Variants in RNF215 observed in about 807,000 individuals in gnomAD.
RNF215 encodes the protein ring finger protein 215.
Under a neutral mutation model 44.8 loss-of-function variants are expected in RNF215, and 41 were observed. That is an observed-to-expected ratio of 0.92 (90% CI 0.71 to 1.19). The LOEUF is 1.19. Among genes scored for constraint, RNF215 ranks in the 50% most tolerant of loss-of-function variants. The pLI is 0.00. For synonymous variants in RNF215, 218 were observed against 230.1 expected (o/e 0.95, Z 0.48); for missense variants, 452 against 496.2 (o/e 0.91, Z 0.85).
chr22:30,386,030 T>C (rs1460524972), intron 3 of RNF215, 40 bp downstream of exon 3: 1 of 1,613,738 alleles, frequency 6.2e-7, no homozygotes, highest in Non-Finnish European at 8.5e-7. Flanking sequence ...GGGTCCCCCT[T>C]TCCCCAGCTT....
chr22:30,386,282 A>C, intron 2 of RNF215, 141 bp from the exon 3 acceptor site: 1 of 810,478 alleles, frequency 1.2e-6, no homozygotes, highest in Non-Finnish European at 1.9e-6. Flanking sequence ...CCTTGAGGTC[A>C]AAGGTGGAAA....
intron 5 of RNF215, among the ~76,000 whole-genome samples, chr22:30,383,414 AG>A: frequency 6.6e-6 from 1 of 152,274 alleles, no homozygotes; most frequent in Middle Eastern, 3.4e-3. Context: ...GGATACACAG[AG>A]TACCGTCCCT....
At chr22:30,384,289 G>A in intron 5 of RNF215, 50 bp downstream of exon 5, 2 of 1,570,954 alleles carry the variant, frequency 1.3e-6, no homozygotes, top group Non-Finnish European at 1.7e-6. Context: ...CATGTATATG[G>A]CCCCACGAGC....
At position 30,378,840 on chromosome 22, in the gene RNF215, C is replaced by T. The variant is rs1933474402; in HGVS notation, c.*760G>A. ...TACATCTTATGTTAAAATATAGCCA[C>T]GTTTATTTTACTATTAAACCTTCCC... On this transcript the variant is annotated 3_prime_UTR_variant, in exon 9 of 9. Coordinates refer to ENST00000382363, the MANE Select transcript of RNF215 (RefSeq NM_001017981.2). 7.0e-6 allele frequency: 1 copy of T among 142,726 alleles called. No homozygotes were observed. Among genetic ancestry groups the T allele is most frequent in the Non-Finnish European group, 1.5e-5 (1 of 66,778 alleles). The allele number at this position is 142,726 out of a possible 1,614,324, so 8.8% of individuals were successfully genotyped here.
chr22:30,387,243 A>AGGG lies in RNF215; in HGVS notation c.70_71insCCC (p.Leu23_Leu24insPro). On this transcript the variant is annotated inframe_insertion, in exon 1 of 9. Coordinates refer to ENST00000382363, the MANE Select transcript of RNF215 (RefSeq NM_001017981.2). ...CAGCGGCAGCAGGGGCAGCAGCAGC[A>AGGG]GCAGCGGAGACGGAGGCGGCGGCGG... The AGGG allele has an allele frequency of 9.9e-7, 1 of 1,014,642 alleles. No homozygotes were observed. Among genetic ancestry groups the AGGG allele is most frequent in the East Asian group, 8.0e-5 (1 of 12,522 alleles). 62.9% of individuals were successfully genotyped at this position (1,014,642 alleles called of 1,614,324 possible). A position where few individuals can be genotyped will look rare whatever the true frequency, so the allele number is the denominator to read the frequency against.
At chr22:30,379,856 A>G (rs1282588009) in intron 7 of RNF215, 43 bp from the exon 8 acceptor site, 11 of 1,556,694 alleles carry the variant, frequency 7.1e-6, no homozygotes, top group Non-Finnish European at 9.6e-6. Context: ...CCGAAGCAGG[A>G]CTCCACGTGG....
In RNF215 at chr22:30,379,697, C is replaced by T; in HGVS notation, c.1111+14G>A. ...AGGCAGAGTAGGCCGAGGGACCCCA[C>T]CCCTGGTGCTCACCCAGGACGTTGA... On this transcript the variant is annotated intron_variant, in intron 8 of 8. Coordinates refer to ENST00000382363, the MANE Select transcript of RNF215 (RefSeq NM_001017981.2). 3 of 1,553,718 alleles carry T rather than the reference C, an allele frequency of 1.9e-6. No homozygotes were observed. The highest frequency in any genetic ancestry group is 1.2e-5 in the South Asian group (1 of 84,144).
At position 30,379,663 on chromosome 22, in the gene RNF215, G is replaced by A. The variant is rs1274466532; in HGVS notation, c.1112-41C>T. 7.7e-6 allele frequency: 12 copies of A among 1,552,142 alleles called. No individual in the cohort carries two copies. The Admixed American group carries it at 2.2e-4, about 28-fold the overall frequency. On this transcript the variant is annotated intron_variant, in intron 8 of 8. Coordinates refer to ENST00000382363, the MANE Select transcript of RNF215 (RefSeq NM_001017981.2). ...AGAAGAACAGGGAGAGAGGCATCAG[G>A]TGAGGAGCAGGCAGAGTAGGCCGAG...
chr22:30,383,678 A>G (rs1933558151), intron 5 of RNF215, among the ~76,000 whole-genome samples: 1 of 152,204 alleles, frequency 6.6e-6, no homozygotes, highest in South Asian at 2.1e-4. Flanking sequence ...CTGGAAATCC[A>G]GAGACGATAA....
At chr22:30,382,343 G>A (rs1449862386) in intron 5 of RNF215, among the ~76,000 whole-genome samples, 1 of 151,524 alleles carries the variant, frequency 6.6e-6, no homozygotes, top group Non-Finnish European at 1.5e-5. Flanking sequence ...GGCGGAGGCT[G>A]TGGTGAGCCG....
Position 30,386,074 on chromosome 22 carries a change from C to G in RNF215, c.497G>C (p.Arg166Pro), listed in dbSNP as rs377398914. The G allele has an allele frequency of 6.2e-7, 1 of 1,612,948 alleles. No homozygotes were observed. Among genetic ancestry groups the G allele is most frequent in the South Asian group, 1.1e-5 (1 of 90,958 alleles). ...TCACGGCCTGGTCCGATTTACCTCTCGGACCACGTTGTGGTTCAGGATGAG... is the reference window on the plus strand; with the variant it reads ...TCACGGCCTGGTCCGATTTACCTCTGGGACCACGTTGTGGTTCAGGATGAG... ...LLLILNHNVV[R>P]ELDISQLLLR... Residue 166 changes from arginine (R) to proline (P), a missense_variant, in exon 3 of 9, where the codon CGA (arginine) becomes CCA (proline). Coordinates refer to ENST00000382363, the MANE Select transcript of RNF215 (RefSeq NM_001017981.2).
In RNF215 at chr22:30,380,824, G is replaced by A. The variant is rs1020416895; in HGVS notation, c.745-423C>T. 7.2e-5 allele frequency among the ~76,000 whole-genome samples: 11 copies of A among 152,096 alleles called. No individual in the cohort carries two copies. Among genetic ancestry groups the A allele is most frequent in the Non-Finnish European group, 1.2e-4 (8 of 68,024 alleles). On this transcript the variant is annotated intron_variant, in intron 5 of 8. Coordinates refer to ENST00000382363, the MANE Select transcript of RNF215 (RefSeq NM_001017981.2). This position sits in a 1 kb window ranked among gnomAD's most constrained non-coding sequence, Gnocchi z 5.3. ...TCGGCTTTCTCAGGCCCTGCCATCA[G>A]CCACTCACCCATCCAGCCTGAATGT...
intron 5 of RNF215, among the ~76,000 whole-genome samples, chr22:30,381,946 C>T (rs1164245948): frequency 2.6e-5 from 4 of 152,246 alleles, no homozygotes; most frequent in Non-Finnish European, 5.9e-5. Flanking sequence ...ACCACCAGCT[C>T]TGTGCTTACC....
chr22:30,383,934 G>A (rs2145985254), intron 5 of RNF215, among the ~76,000 whole-genome samples: 1 of 152,350 alleles, frequency 6.6e-6, no homozygotes, highest in South Asian at 2.1e-4. Flanking sequence ...ACAGCCAGGT[G>A]TAGACAAGGC....
At chr22:30,384,570 T>G in intron 4 of RNF215, 75 bp from the exon 5 acceptor site, 3 of 1,365,698 alleles carry the variant, frequency 2.2e-6, no homozygotes, top group South Asian at 1.3e-5. Flanking sequence ...ACCCCAGCTC[T>G]GCAGGAAAAG....
Position 30,380,368 on chromosome 22 carries a change from G to T in RNF215, c.778C>A (p.Leu260Met). 6.2e-7 allele frequency: 1 copy of T among 1,609,490 alleles called. No individual in the cohort carries two copies. The highest frequency in any genetic ancestry group is 8.5e-7 in the Non-Finnish European group (1 of 1,177,246). ...CCTGTGCACAGGAGCATGGCCACCA[G>T]CAGGATGGCGTTCCACAGCTGCTGC... is the stretch of plus-strand genomic sequence containing the variant. ...PLQQLWNAIL[L>M]VAMLLCTGLV... The change falls in exon 6 of 9, where the codon CTG becomes ATG. Residue 260 changes from leucine to methionine, a missense_variant. Coordinates refer to ENST00000382363, the MANE Select transcript of RNF215 (RefSeq NM_001017981.2). The surrounding 1 kb of genome is among the most constrained non-coding windows in gnomAD (Gnocchi z 5.3).
rs776204463 is a variant in RNF215 at position 30,387,042 on chromosome 22, C to A, written c.272G>T (p.Gly91Val). ...SEADPAPLLG[G>V]RLLLMDIVDA... ...AGCAGCGCTCACCAGCAGCAGACGACCGCCCAGCAGGGGCGCCGGGTCGGC... is the reference window on the plus strand; with the variant it reads ...AGCAGCGCTCACCAGCAGCAGACGAACGCCCAGCAGGGGCGCCGGGTCGGC... Residue 91 changes from glycine (G) to valine (V), a missense_variant, in exon 1 of 9, where the codon GGT (glycine) becomes GTT (valine). Transcript: ENST00000382363. 16 of 1,544,638 alleles carry A rather than the reference C, an allele frequency of 1.0e-5. No individual in the cohort carries two copies. Among genetic ancestry groups the A allele is most frequent in the Non-Finnish European group, 1.0e-5 (12 of 1,150,872 alleles).
intron 2 of RNF215, among the ~76,000 whole-genome samples, 163 bp from the exon 3 acceptor site, chr22:30,386,304 C>T (rs1356872030): frequency 6.6e-6 from 1 of 152,214 alleles, no homozygotes; most frequent in Non-Finnish European, 1.5e-5. Flanking sequence ...TGCTTTCTTC[C>T]TCCTGCCTCC....
rs540083334 is a variant in RNF215, at chr22:30,379,467, C to T, written c.*133G>A. 8.0e-6 allele frequency: 9 copies of T among 1,125,828 alleles called. No individual in the cohort carries two copies. In the South Asian group the frequency reaches 1.4e-4, roughly 17 times the overall value. 69.7% of individuals were successfully genotyped at this position (1,125,828 alleles called of 1,614,324 possible). ...GTGTGGACATGGTGGGGCCCTCATC[C>T]TTCCTCCCACCCACTGGGCTTGCTG... is the stretch of plus-strand genomic sequence containing the variant. On this transcript the variant is annotated 3_prime_UTR_variant, in exon 9 of 9. Coordinates refer to ENST00000382363, the MANE Select transcript of RNF215 (RefSeq NM_001017981.2).
Sources: gnomAD v4.1 joint callset for allele counts (sites outside exome capture counted in the v4.1 genomes callset) on GRCh38, gnomAD v4.1.1 for gene constraint, Gnocchi (gnomAD v3.1) non-coding constraint, MANE v1.5 for transcripts, NCBI Gene and HGNC (gene_info 2026-07-23, HGNC 2026-07-21) for gene names.